Variants in TMEM245 observed in about 807,000 individuals in gnomAD.
TMEM245 encodes protein CG-2.
TMEM245 carries 69 observed loss-of-function variants against 101.2 expected under a neutral mutation model. That is an observed-to-expected ratio of 0.68 (90% CI 0.56 to 0.83). TMEM245 has a LOEUF of 0.83. Ranked by LOEUF, TMEM245 falls within the 40% of genes least tolerant of loss-of-function variation. The probability of loss-of-function intolerance (pLI) is 0.00; values close to 1 mark genes in which losing one functional copy is unlikely to be tolerated. For missense variants in TMEM245, 1,075 were observed against 1,092.8 expected (o/e 0.98, Z 0.23); for synonymous variants, 537 against 449.8 (o/e 1.19, Z -2.45).
At chr9:109,081,924 T>C (rs1369960293) in intron 7 of TMEM245, among the ~76,000 whole-genome samples, 1 of 152,182 alleles carries the variant, frequency 6.6e-6, no homozygotes, top group African/African-American at 2.4e-5. Flanking sequence ...GATAGATTGC[T>C]AGAATTCCTT....
intron 8 of TMEM245, among the ~76,000 whole-genome samples, chr9:109,078,122 C>A (rs773009512): frequency 6.6e-5 from 10 of 152,172 alleles, no homozygotes; most frequent in Non-Finnish European, 1.2e-4. Context: ...TCATAATCTA[C>A]TTCAAGTTAA....
chr9:109,083,901 CAAAAAAAAAAAAAAAAAAA>C (rs751739620), intron 7 of TMEM245, among the ~76,000 whole-genome samples: 1 of 34,468 alleles, frequency 2.9e-5, no homozygotes, highest in Non-Finnish European at 5.0e-5. Context: ...ACTAAAAATA[CAAAAAAAAAAAAAAAAAAA>C]AAAAAAAAAC....
rs574338008 is a variant in TMEM245 at position 109,023,767 on chromosome 9, T to A, written c.2595-3262A>T. Reference sequence around the variant, plus strand: ...AGGAGAATGGCGTGAACCTGGGAGGTGGAGCTTGCAGTGAGCCCAGATCGC... The same window carrying A: ...AGGAGAATGGCGTGAACCTGGGAGGAGGAGCTTGCAGTGAGCCCAGATCGC... On this transcript the variant is annotated intron_variant, in intron 17 of 17. Coordinates refer to ENST00000374586, the MANE Select transcript of TMEM245 (RefSeq NM_032012.4). 2.8e-5 allele frequency among the ~76,000 whole-genome samples: 4 copies of A among 143,942 alleles called. No individual in the cohort carries two copies. In the South Asian group the frequency reaches 6.6e-4, roughly 24 times the overall value. The allele number at this position is 143,942 out of a possible 152,430, so 94.4% of individuals were successfully genotyped here.
At chr9:109,084,709 T>C (rs929283358) in intron 7 of TMEM245, among the ~76,000 whole-genome samples, 6 of 152,164 alleles carry the variant, frequency 3.9e-5, no homozygotes, top group Non-Finnish European at 7.4e-5. Context: ...AAAAATTTTT[T>C]AGAAACCACA....
intron 17 of TMEM245, among the ~76,000 whole-genome samples, chr9:109,027,928 CACCTCG>C (rs1827835604): frequency 6.6e-6 from 1 of 151,678 alleles, no homozygotes; most frequent in African/African-American, 2.4e-5. Flanking sequence ...GTGATCTACC[CACCTCG>C]ACCTCCCAAA....
At chr9:109,058,763 A>C (rs1828923906) in intron 11 of TMEM245, among the ~76,000 whole-genome samples, 1 of 151,912 alleles carries the variant, frequency 6.6e-6, no homozygotes, top group Admixed American at 6.6e-5. Context: ...ACAGGCGCAC[A>C]CCACCACACC....
chr9:109,062,093 C>A (rs1829034305), intron 10 of TMEM245, among the ~76,000 whole-genome samples: 1 of 152,134 alleles, frequency 6.6e-6, no homozygotes, highest in African/African-American at 2.4e-5. Context: ...AAGCCTGGAC[C>A]TCCCAGACTC....
At chr9:109,111,154 T>G (rs959698287) in intron 1 of TMEM245, among the ~76,000 whole-genome samples, 26 of 152,182 alleles carry the variant, frequency 1.7e-4, no homozygotes, top group African/African-American at 6.3e-4. Flanking sequence ...TAAAATGTCA[T>G]CTGGGAGAGG....
At chr9:109,056,958 G>A (rs1588039483) in intron 12 of TMEM245, among the ~76,000 whole-genome samples, 1 of 152,180 alleles carries the variant, frequency 6.6e-6, no homozygotes, top group East Asian at 1.9e-4. Flanking sequence ...TCCAGCTGGA[G>A]ACATCCTGGT....
intron 1 of TMEM245, among the ~76,000 whole-genome samples, chr9:109,114,754 G>T (rs146336549): frequency 2.0e-5 from 3 of 152,330 alleles, no homozygotes; most frequent in African/African-American, 7.2e-5. Flanking sequence ...GAATGGTGGA[G>T]CAGGGCACGC....
chr9:109,023,700 G>T (rs1490900663), intron 17 of TMEM245, among the ~76,000 whole-genome samples: 3 of 152,104 alleles, frequency 2.0e-5, no homozygotes. Flanking sequence ...GCCGGGCGTG[G>T]TCGCGGGCGC....
chr9:109,074,109 C>T (rs1224158987), intron 8 of TMEM245, among the ~76,000 whole-genome samples: 2 of 152,086 alleles, frequency 1.3e-5, no homozygotes, highest in African/African-American at 2.4e-5. Context: ...ATCTATCCAC[C>T]TTGGCCTCCC....
intron 14 of TMEM245, among the ~76,000 whole-genome samples, chr9:109,043,657 C>A (rs1010291488): frequency 1.3e-5 from 2 of 152,240 alleles, no homozygotes; most frequent in East Asian, 3.9e-4. Context: ...CTCAGATGGA[C>A]GTGATTTAGC....
At position 109,050,669 on chromosome 9, in the gene TMEM245, A is replaced by T; in HGVS notation, c.1878T>A (p.Val626=). 6.2e-7 allele frequency: 1 copy of T among 1,613,136 alleles called. No individual in the cohort carries two copies. ...ACAGCAGGCTCACATTCCGGCTCAT[A>T]ACGATCCACAGAGACTCCAAGATCT... The part of the protein sequence containing the change: ...FLSILESLWI[V]MSRNVSLLFT... The change falls in exon 13 of 18, where the codon GTT becomes GTA. Residue 626 remains valine, a synonymous_variant. Transcript: ENST00000374586.
intron 1 of TMEM245, among the ~76,000 whole-genome samples, chr9:109,113,509 A>G (rs1038367150): frequency 6.6e-6 from 1 of 152,220 alleles, no homozygotes; most frequent in African/African-American, 2.4e-5. Context: ...TATAGCACCA[A>G]TGTGCTAGAC....
At chr9:109,050,181 A>C (rs1828629686) in intron 14 of TMEM245, 102 bp downstream of exon 14, 3 of 1,322,614 alleles carry the variant, frequency 2.3e-6, no homozygotes, top group South Asian at 1.4e-5. Flanking sequence ...GTCCATCACG[A>C]GTTTAGCACT....
intron 17 of TMEM245, among the ~76,000 whole-genome samples, chr9:109,029,256 T>A (rs944346526): frequency 3.3e-5 from 5 of 152,066 alleles, no homozygotes; most frequent in African/African-American, 9.7e-5. Flanking sequence ...TAAAATAAAT[T>A]TCTGAAAGAA....
chr9:109,064,353 C>T (rs965991994), intron 10 of TMEM245, 124 bp downstream of exon 10: 37 of 773,772 alleles, frequency 4.8e-5, no homozygotes, highest in South Asian at 3.5e-5. Context: ...ATGTTGCTTA[C>T]CTGTTTATTT....
chr9:109,075,888 T>C (rs946800778), intron 8 of TMEM245, among the ~76,000 whole-genome samples: 2 of 152,198 alleles, frequency 1.3e-5, no homozygotes, highest in African/African-American at 4.8e-5. Flanking sequence ...TTCATTTACT[T>C]TGGATTTAAT....
Sources: gnomAD v4.1 joint callset for allele counts (sites outside exome capture counted in the v4.1 genomes callset) on GRCh38, gnomAD v4.1.1 for gene constraint, MANE v1.5 for transcripts, NCBI Gene and HGNC (gene_info 2026-07-23, HGNC 2026-07-21) for gene names.